The following KIF27 variants were observed in gnomAD, a reference collection of about 807,000 sequenced individuals.
KIF27 encodes kinesin family member 27, also known as kinesin-like protein KIF27.
A neutral mutation model predicts 141.8 loss-of-function variants in KIF27; 84 were observed. The observed-to-expected ratio is 0.59, with a 90% CI of 0.50 to 0.71. The LOEUF (loss-of-function observed/expected upper bound fraction) is 0.71, where lower values mean the gene tolerates loss of function less well. Ranked by LOEUF, KIF27 falls within the 30% of genes least tolerant of loss-of-function variation. KIF27 has a pLI of 0.00. For synonymous variants in KIF27, 471 were observed against 569.5 expected (o/e 0.83, Z 2.46); for missense variants, 1,306 against 1,628.4 (o/e 0.80, Z 3.41).
At chr9:83,886,942 T>C (rs1588168642) in intron 9 of KIF27, 99 bp downstream of exon 9, 6 of 1,308,508 alleles carry the variant, frequency 4.6e-6, no homozygotes, top group Middle Eastern at 2.0e-4. Flanking sequence ...GCTAAGTGGA[T>C]AGACCTGAGC....
chr9:83,906,920 G>GA (rs1222583065), intron 3 of KIF27, among the ~76,000 whole-genome samples: 3 of 151,844 alleles, frequency 2.0e-5, no homozygotes, highest in Non-Finnish European at 4.4e-5. Context: ...AAACATATGT[G>GA]AAAATATTCA....
chr9:83,843,687 C>T (rs1359416642), intron 16 of KIF27, among the ~76,000 whole-genome samples: 1 of 152,052 alleles, frequency 6.6e-6, no homozygotes, highest in Non-Finnish European at 1.5e-5. Flanking sequence ...GAATTGTTTA[C>T]ATTGTCAGTT....
chr9:83,848,316 CATATATCTATATATCTAT>C (rs1948016828), intron 16 of KIF27, among the ~76,000 whole-genome samples: 1 of 103,970 alleles, frequency 9.6e-6, no homozygotes, highest in Non-Finnish European at 1.8e-5. Context: ...TATGATATAT[CATATATCTATATATCTAT>C]ATATATCTAT....
intron 16 of KIF27, chr9:83,848,632 A>T (rs1215743208): frequency 2.0e-5 from 3 of 149,158 alleles, no homozygotes; most frequent in Non-Finnish European, 3.0e-5. Flanking sequence ...TATATATGCT[A>T]TTCTGTCCCT....
At chr9:83,858,353 A>G (rs1224622164) in intron 14 of KIF27, 2 of 152,204 alleles carry the variant, frequency 1.3e-5, no homozygotes, top group African/African-American at 4.8e-5. Flanking sequence ...AAACATTACA[A>G]GATTCACCAC....
intron 16 of KIF27, chr9:83,848,498 CTA>C (rs905020665): frequency 7.1e-6 from 1 of 140,240 alleles, no homozygotes; most frequent in Admixed American, 7.3e-5. Flanking sequence ...ATGTATATAT[CTA>C]TATATAGCTA....
At position 83,864,070 on chromosome 9, in the gene KIF27, CTTCT is replaced by C. The variant is rs763272627; in HGVS notation, c.2934+3610_2934+3613del. 3.9e-5 allele frequency among the ~76,000 whole-genome samples: 6 copies of C among 152,002 alleles called. No individual in the cohort carries two copies. In the East Asian group the frequency reaches 5.8e-4, roughly 15 times the overall value. ...CGTCTATTTGATTCTTCTCTCTTTT[CTTCT>C]TTATTAGTCTTACTAGCAGTCCATC... On this transcript the variant is annotated intron_variant, in intron 13 of 17. Transcript: ENST00000297814.
Position 83,836,727 on chromosome 9 carries a change from A to C in KIF27, c.*274T>G. On this transcript the variant is annotated 3_prime_UTR_variant, in exon 18 of 18. Transcript: ENST00000297814. Reference sequence around the variant, plus strand: ...AGTCTATTACTAGTTTTAATCTTCAAATATGCCTGGAAAAACATTTAAGCG... The same window carrying C: ...AGTCTATTACTAGTTTTAATCTTCACATATGCCTGGAAAAACATTTAAGCG... 2 of 340,738 alleles carry C rather than the reference A, an allele frequency of 5.9e-6. No homozygotes were observed. The highest frequency in any genetic ancestry group is 8.9e-4 in the Middle Eastern group (1 of 1,120). The allele number at this position is 340,738 out of a possible 1,614,324, so 21.1% of individuals were successfully genotyped here.
chr9:83,882,774 T>A (rs1951790226), intron 10 of KIF27, among the ~76,000 whole-genome samples: 2 of 152,136 alleles, frequency 1.3e-5, no homozygotes, highest in Non-Finnish European at 2.9e-5. Context: ...AATTCCAAAG[T>A]GGAAATAACT....
rs573663043 is a variant in KIF27, at chr9:83,860,177, T to G, written c.2935-806A>C. ...ATATCAGGTAATTTGTAAATTACTG[T>G]TCACAGTAATTATTTGTATATACTA... On this transcript the variant is annotated intron_variant, in intron 13 of 17. Transcript: ENST00000297814. The G allele has an allele frequency of 3.9e-5, 6 of 152,314 alleles. No homozygotes were observed. The South Asian group carries it at 1.2e-3, about 32-fold the overall frequency. The allele number at this position is 152,314 out of a possible 1,614,324, so 9.4% of individuals were successfully genotyped here.
chr9:83,839,962 AC>A (rs1166362954), intron 17 of KIF27, among the ~76,000 whole-genome samples: 13 of 152,160 alleles, frequency 8.5e-5, no homozygotes, highest in South Asian at 4.2e-4. Context: ...AAACAAACAA[AC>A]AGAAAAAACA....
intron 14 of KIF27, among the ~76,000 whole-genome samples, chr9:83,857,085 A>G (rs1477939874): frequency 1.3e-5 from 2 of 151,582 alleles, no homozygotes; most frequent in Admixed American, 1.3e-4. Flanking sequence ...TACCAAAAAA[A>G]AAAAAAAAAA....
chr9:83,888,700 T>C (rs1952358510), intron 7 of KIF27, 108 bp from the exon 8 acceptor site: 3 of 603,278 alleles, frequency 5.0e-6, no homozygotes, highest in Non-Finnish European at 8.4e-6. Context: ...ATTAGTTACA[T>C]ATAAAAACAG....
At chr9:83,850,600 G>C (rs558753892) in intron 15 of KIF27, among the ~76,000 whole-genome samples, 1 of 151,798 alleles carries the variant, frequency 6.6e-6, no homozygotes, top group African/African-American at 2.4e-5. Context: ...GACCAACATA[G>C]TAAAACCCCG....
intron 2 of KIF27, among the ~76,000 whole-genome samples, chr9:83,913,356 A>G (rs1392461713): frequency 2.0e-5 from 3 of 152,258 alleles, no homozygotes; most frequent in Admixed American, 6.5e-5. Context: ...CATGGTCTAT[A>G]ACCAAAAAGC....
At chr9:83,894,459 C>T (rs1199334416) in intron 5 of KIF27, among the ~76,000 whole-genome samples, 1 of 152,182 alleles carries the variant, frequency 6.6e-6, no homozygotes, top group Non-Finnish European at 1.5e-5. Flanking sequence ...GTTTCTTAAA[C>T]ACTCTGATTA....
intron 13 of KIF27, among the ~76,000 whole-genome samples, chr9:83,862,369 G>A (rs1950010208): frequency 6.6e-6 from 1 of 152,164 alleles, no homozygotes; most frequent in Admixed American, 6.5e-5. Context: ...GTAAGGAAGG[G>A]ATCCAGTTTC....
At chr9:83,864,065 C>A (rs1950163657) in intron 13 of KIF27, among the ~76,000 whole-genome samples, 1 of 152,100 alleles carries the variant, frequency 6.6e-6, no homozygotes, top group Non-Finnish European at 1.5e-5. Context: ...ATTCTTCTCT[C>A]TTTTCTTCTT....
At chr9:83,859,690 T>C (rs150231938) in intron 13 of KIF27, 4,865 of 255,112 alleles carry the variant, frequency 0.019, 69 homozygotes, top group East Asian at 0.06. Context: ...CATCACCATG[T>C]GCAGCTAATT....
Sources: gnomAD v4.1 joint callset for allele counts (sites outside exome capture counted in the v4.1 genomes callset) on GRCh38, gnomAD v4.1.1 for gene constraint, MANE v1.5 for transcripts, NCBI Gene and HGNC (gene_info 2026-07-23, HGNC 2026-07-21) for gene names.